The following ZFHX3 variants were observed in gnomAD, a reference collection of about 807,000 sequenced individuals.
ZFHX3 encodes zinc finger homeobox protein 3.
ZFHX3 carries 42 observed loss-of-function variants against 279.1 expected under a neutral mutation model. The ratio of observed to expected loss-of-function variants is 0.15; its 90% CI spans 0.12 to 0.19. ZFHX3 has a LOEUF of 0.19. Among genes scored for constraint, ZFHX3 ranks in the 10% least tolerant of loss-of-function variants. The pLI, the probability that ZFHX3 is intolerant of heterozygous loss-of-function variation, is 1.00. For missense variants in ZFHX3, 4,981 were observed against 4,754.0 expected (o/e 1.05, Z -1.40); for synonymous variants, 2,293 against 1,957.8 (o/e 1.17, Z -4.52).
intron 3 of ZFHX3, chr16:73,421,412 T>A (rs1235124266): frequency 6.6e-6 from 1 of 152,258 alleles, no homozygotes; most frequent in Non-Finnish European, 1.5e-5. Flanking sequence ...GTGTGATTTG[T>A]GAAATGTTTT....
intron 2 of ZFHX3, among the ~76,000 whole-genome samples, chr16:73,659,256 T>A (rs1250483985): frequency 6.6e-6 from 1 of 152,106 alleles, no homozygotes; most frequent in Non-Finnish European, 1.5e-5. Context: ...TCACACAACA[T>A]CTCTGCAGCC....
At chr16:72,988,452 A>AC (rs1438361079) in intron 1 of ZFHX3, among the ~76,000 whole-genome samples, 1 of 152,136 alleles carries the variant, frequency 6.6e-6, no homozygotes, top group African/African-American at 2.4e-5. Flanking sequence ...GCAGGCTGGA[A>AC]CCCGCCAAAC....
chr16:73,176,923 C>T (rs764472320), intron 5 of ZFHX3, among the ~76,000 whole-genome samples: 15 of 151,960 alleles, frequency 9.9e-5, no homozygotes, highest in Non-Finnish European at 1.8e-4. Flanking sequence ...ATTTCATCTT[C>T]GGCCCCACCT....
chr16:73,534,711 G>A (rs2019863472), intron 2 of ZFHX3, among the ~76,000 whole-genome samples: 1 of 152,168 alleles, frequency 6.6e-6, no homozygotes, highest in South Asian at 2.1e-4. Context: ...AATGTTAGCT[G>A]CCACACCATC....
At chr16:73,571,010 C>T (rs377017035) in intron 2 of ZFHX3, among the ~76,000 whole-genome samples, 6 of 150,050 alleles carry the variant, frequency 4.0e-5, no homozygotes, top group African/African-American at 9.7e-5. Context: ...AATTTTGTTT[C>T]GATGGAGTGA....
chr16:73,629,008 C>G (rs1282959669), intron 2 of ZFHX3, among the ~76,000 whole-genome samples: 1 of 152,180 alleles, frequency 6.6e-6, no homozygotes, highest in Admixed American at 6.5e-5. Context: ...ATCCACAATG[C>G]ACACACAGCC....
intron 1 of ZFHX3, among the ~76,000 whole-genome samples, chr16:73,800,960 G>T (rs1960129338): frequency 6.6e-6 from 1 of 152,208 alleles, no homozygotes; most frequent in South Asian, 2.1e-4. Flanking sequence ...TGCCTGCCCT[G>T]GTAGTTATAA....
At chr16:73,389,859 A>T (rs1239894382) in intron 3 of ZFHX3, among the ~76,000 whole-genome samples, 1 of 152,174 alleles carries the variant, frequency 6.6e-6, no homozygotes, top group Non-Finnish European at 1.5e-5. Context: ...CAGGAGTTCG[A>T]GACCAGCCTG....
intron 8 of ZFHX3, among the ~76,000 whole-genome samples, chr16:72,799,198 A>G (rs909552694): frequency 6.6e-6 from 1 of 152,256 alleles, no homozygotes; most frequent in Non-Finnish European, 1.5e-5. Flanking sequence ...ACTGCTGAAC[A>G]TCGTAATATA....
chr16:73,546,656 C>T (rs1224274274), intron 2 of ZFHX3, among the ~76,000 whole-genome samples: 2 of 150,708 alleles, frequency 1.3e-5, no homozygotes, highest in Non-Finnish European at 3.0e-5. Flanking sequence ...TGAGAAAAAG[C>T]TTTGGGTGCT....
intron 2 of ZFHX3, chr16:73,504,732 T>C (rs192277245): frequency 1.3e-4 from 20 of 152,326 alleles, no homozygotes; most frequent in Admixed American, 1.0e-3. Flanking sequence ...TCATAAACCT[T>C]ACGGTGCAGC....
chr16:73,757,617 T>C (rs766539564), intron 1 of ZFHX3, among the ~76,000 whole-genome samples: 4 of 152,128 alleles, frequency 2.6e-5, no homozygotes, highest in Non-Finnish European at 5.9e-5. Flanking sequence ...ACCAACAAGA[T>C]AGTCAGAGTT....
chr16:73,102,144 C>T (rs966687950), intron 7 of ZFHX3, among the ~76,000 whole-genome samples: 8 of 151,968 alleles, frequency 5.3e-5, no homozygotes, highest in African/African-American at 1.9e-4. Context: ...AAACTCCTGA[C>T]CTCAGGTGAG....
intron 1 of ZFHX3, among the ~76,000 whole-genome samples, chr16:72,993,202 T>C (rs755579560): frequency 6.6e-5 from 10 of 152,186 alleles, no homozygotes; most frequent in Admixed American, 1.3e-4. Context: ...TCCCCCGGCC[T>C]GGCTGGCCAG....
At chr16:73,184,095 T>C (rs552872529) in intron 5 of ZFHX3, among the ~76,000 whole-genome samples, 10 of 152,210 alleles carry the variant, frequency 6.6e-5, no homozygotes, top group Admixed American at 6.5e-4. Context: ...ACTGCGTCTT[T>C]TCTCTCCTAG....
At chr16:72,859,382 T>C (rs1229073192) in intron 4 of ZFHX3, among the ~76,000 whole-genome samples, 1 of 152,184 alleles carries the variant, frequency 6.6e-6, no homozygotes, top group Non-Finnish European at 1.5e-5. Context: ...TCTGGATTTC[T>C]ATGACAACCG....
intron 3 of ZFHX3, among the ~76,000 whole-genome samples, chr16:73,332,966 C>A (rs952705455): frequency 6.6e-6 from 1 of 152,020 alleles, no homozygotes; most frequent in Non-Finnish European, 1.5e-5. Context: ...CATTTCTTTC[C>A]TCTTTCCTTC....
At chr16:73,072,191 C>A (rs1965833125) in intron 8 of ZFHX3, among the ~76,000 whole-genome samples, 1 of 152,124 alleles carries the variant, frequency 6.6e-6, no homozygotes, top group Non-Finnish European at 1.5e-5. Flanking sequence ...TGGCTCACGC[C>A]TTTAATCCCA....
intron 5 of ZFHX3, among the ~76,000 whole-genome samples, chr16:73,215,263 T>C (rs2012164050): frequency 6.6e-6 from 1 of 152,188 alleles, no homozygotes; most frequent in Non-Finnish European, 1.5e-5. Flanking sequence ...CCTACTTCCA[T>C]GTTACAAAGC....
Sources: allele counts gnomAD v4.1 joint callset (sites outside exome capture counted in the v4.1 genomes callset), GRCh38; gene constraint gnomAD v4.1.1; transcripts MANE v1.5; gene names NCBI Gene and HGNC (gene_info 2026-07-23, HGNC 2026-07-21).